Variants in PRKG2 observed in about 807,000 individuals in gnomAD.
The protein encoded by PRKG2 is protein kinase cGMP-dependent 2.
A neutral mutation model predicts 97.2 loss-of-function variants in PRKG2; 33 were observed. The observed-to-expected ratio is 0.34, with a 90% CI of 0.26 to 0.45. The LOEUF (loss-of-function observed/expected upper bound fraction) is 0.45. PRKG2 is among the 20% of genes least tolerant of loss of function. PRKG2 has a pLI of 1.00. For missense variants in PRKG2, 638 were observed against 900.0 expected (o/e 0.71, Z 3.73); for synonymous variants, 330 against 321.8 (o/e 1.03, Z -0.27).
chr4:81,126,045 C>T (rs986237502), intron 14 of PRKG2, among the ~76,000 whole-genome samples: 1 of 152,126 alleles, frequency 6.6e-6, no homozygotes, highest in South Asian at 2.1e-4. Context: ...CAGCCGCCAA[C>T]AGGCCCCGGT....
chr4:81,092,300 G>A (rs987428919), intron 18 of PRKG2, 86 bp downstream of exon 18: 80 of 773,162 alleles, frequency 1.0e-4, no homozygotes, highest in Admixed American at 5.8e-4. Context: ...ATCTGTTATG[G>A]GCATATACAT....
At chr4:81,140,774 C>T (rs569714824) in intron 11 of PRKG2, 105 bp from the exon 12 acceptor site, 16 of 924,064 alleles carry the variant, frequency 1.7e-5, no homozygotes, top group African/African-American at 1.6e-5. Context: ...TATGGAAGCC[C>T]TTAGCCACTT....
Position 81,087,676 on chromosome 4 carries a change from C to T in PRKG2, c.*2032G>A, listed in dbSNP as rs974102312. 6.6e-6 allele frequency: 1 copy of T among 152,086 alleles called. No homozygotes were observed. Among genetic ancestry groups the T allele is most frequent in the Non-Finnish European group, 1.5e-5 (1 of 67,976 alleles). 9.4% of individuals were successfully genotyped at this position (152,086 alleles called of 1,614,324 possible). A position where few individuals can be genotyped will look rare whatever the true frequency, so the allele number is the denominator to read the frequency against. ...ATGAGAAAGCTAGTACTCAAAAAAGCTAAATCACTTTCCCAGAGTCACTCA... is the reference window on the plus strand; with the variant it reads ...ATGAGAAAGCTAGTACTCAAAAAAGTTAAATCACTTTCCCAGAGTCACTCA... On this transcript the variant is annotated 3_prime_UTR_variant, in exon 19 of 19. Transcript: ENST00000264399.
intron 17 of PRKG2, among the ~76,000 whole-genome samples, chr4:81,099,520 T>C (rs1261618650): frequency 6.6e-6 from 1 of 152,164 alleles, no homozygotes; most frequent in Non-Finnish European, 1.5e-5. Context: ...CAACGCTTCA[T>C]GCTAAAAACT....
chr4:81,128,871 T>A (rs2110016215), intron 14 of PRKG2, among the ~76,000 whole-genome samples: 1 of 152,318 alleles, frequency 6.6e-6, no homozygotes, highest in Admixed American at 6.5e-5. Flanking sequence ...TACTAGCTTT[T>A]GAATTTGTTT....
At chr4:81,197,208 A>G (rs1042898510) in intron 2 of PRKG2, among the ~76,000 whole-genome samples, 3 of 152,186 alleles carry the variant, frequency 2.0e-5, no homozygotes, top group African/African-American at 2.4e-5. Flanking sequence ...CGCTATTTCT[A>G]CTACAGTCCT....
chr4:81,100,937 T>C, intron 17 of PRKG2, among the ~76,000 whole-genome samples: 1 of 152,162 alleles, frequency 6.6e-6, no homozygotes, highest in Non-Finnish European at 1.5e-5. Context: ...AAAGAAGACA[T>C]TTATGCAGCC....
chr4:81,143,005 C>G (rs1271704278), intron 10 of PRKG2, 58 bp from the exon 11 acceptor site: 17 of 1,497,800 alleles, frequency 1.1e-5, no homozygotes, highest in Non-Finnish European at 6.3e-6. Flanking sequence ...AGGTGTCATG[C>G]CATACATAAA....
intron 14 of PRKG2, among the ~76,000 whole-genome samples, chr4:81,122,452 AT>A: frequency 6.6e-6 from 1 of 152,296 alleles, no homozygotes; most frequent in East Asian, 1.9e-4. Context: ...TTTGGAAAAA[AT>A]CAGGCTGACA....
intron 17 of PRKG2, among the ~76,000 whole-genome samples, chr4:81,098,851 T>G (rs1283891053): frequency 1.3e-5 from 2 of 152,200 alleles, no homozygotes; most frequent in East Asian, 3.8e-4. Flanking sequence ...TTGTAAGAAT[T>G]ACCAAAATGT....
intron 15 of PRKG2, among the ~76,000 whole-genome samples, chr4:81,107,984 T>C (rs1163461602): frequency 6.6e-6 from 1 of 151,966 alleles, no homozygotes; most frequent in Non-Finnish European, 1.5e-5. Flanking sequence ...GCGGGAAGAT[T>C]ACCTGAGGTT....
intron 15 of PRKG2, among the ~76,000 whole-genome samples, chr4:81,109,266 C>T (rs1415677884): frequency 6.6e-6 from 1 of 152,184 alleles, no homozygotes; most frequent in East Asian, 1.9e-4. Flanking sequence ...GTAGAAAGTT[C>T]AAGAAGATTC....
chr4:81,167,781 C>T (rs1022553251), intron 5 of PRKG2, among the ~76,000 whole-genome samples: 2 of 151,886 alleles, frequency 1.3e-5, no homozygotes, highest in Non-Finnish European at 2.9e-5. Flanking sequence ...TCAAAAATAA[C>T]TAAATCAAGC....
intron 2 of PRKG2, among the ~76,000 whole-genome samples, chr4:81,197,783 A>C (rs966627682): frequency 3.9e-5 from 6 of 152,234 alleles, no homozygotes; most frequent in African/African-American, 1.4e-4. Context: ...TTAGTGAAAA[A>C]AAAATGAAGG....
rs1741336393 is a variant in PRKG2 at position 81,089,474 on chromosome 4, A to G, written c.*234T>C. On this transcript the variant is annotated 3_prime_UTR_variant, in exon 19 of 19. Transcript: ENST00000264399. ...TGGAAAGGAAAATGGGGTAGCCTCTAGCAGTTGAGAAAAGCAAATAATGTA... is the reference window on the plus strand; with the variant it reads ...TGGAAAGGAAAATGGGGTAGCCTCTGGCAGTTGAGAAAAGCAAATAATGTA... 4 of 388,830 alleles carry G rather than the reference A, an allele frequency of 1.0e-5. No homozygotes were observed. In the Admixed American group the frequency reaches 1.3e-4, roughly 13 times the overall value. 24.1% of individuals were successfully genotyped at this position (388,830 alleles called of 1,614,324 possible).
chr4:81,149,847 C>T (rs1286544845), intron 8 of PRKG2, among the ~76,000 whole-genome samples: 1 of 152,126 alleles, frequency 6.6e-6, no homozygotes, highest in Non-Finnish European at 1.5e-5. Flanking sequence ...TGTTATCGCA[C>T]AAAGTGTATT....
At chr4:81,123,377 T>C (rs1166933134) in intron 14 of PRKG2, among the ~76,000 whole-genome samples, 1 of 152,218 alleles carries the variant, frequency 6.6e-6, no homozygotes, top group Non-Finnish European at 1.5e-5. Flanking sequence ...GCATATCTCC[T>C]GTAAACATCA....
intron 2 of PRKG2, among the ~76,000 whole-genome samples, chr4:81,178,066 C>A (rs1392693433): frequency 7.5e-6 from 1 of 132,838 alleles, no homozygotes; most frequent in Non-Finnish European, 1.6e-5. Context: ...CATCTGAAAT[C>A]CTGGGTGTCT....
intron 17 of PRKG2, among the ~76,000 whole-genome samples, chr4:81,093,360 A>ACACACACACAC (rs1741781646): frequency 8.6e-6 from 1 of 116,282 alleles, no homozygotes; most frequent in Admixed American, 8.6e-5. Flanking sequence ...CTCCCCCACC[A>ACACACACACAC]ACACACACAC....
Sources: gnomAD v4.1 joint callset for allele counts (sites outside exome capture counted in the v4.1 genomes callset) on GRCh38, gnomAD v4.1.1 for gene constraint, MANE v1.5 for transcripts, NCBI Gene and HGNC (gene_info 2026-07-23, HGNC 2026-07-21) for gene names.